Variants in STON2 observed in about 807,000 individuals in gnomAD.
STON2 encodes the protein stonin-2.
In STON2, 29 loss-of-function variants were observed where a neutral mutation model predicts 65.7. The ratio of observed to expected loss-of-function variants is 0.44; its 90% confidence interval spans 0.33 to 0.60. The LOEUF (loss-of-function observed/expected upper bound fraction) is 0.60, where lower values mean the gene tolerates loss of function less well. STON2 is among the 20% of genes least tolerant of loss of function. STON2 has a pLI of 0.03. For missense variants in STON2, 1,054 were observed against 1,118.1 expected, an observed-to-expected ratio of 0.94 and a Z score of 0.82; for synonymous variants, 404 against 414.2, an observed-to-expected ratio of 0.98 and a Z score of 0.30.
At position 81,430,266 on chromosome 14, in the gene STON2, T is replaced by A. The variant is rs976923657; in HGVS notation, c.-309-3054A>T. Among the ~76,000 whole-genome samples, 37 of 152,352 alleles carry A rather than the reference T, an allele frequency of 2.4e-4. No individual in the cohort carries two copies. In the Middle Eastern group the frequency reaches 0.01, roughly 42 times the overall value. On this transcript the variant is annotated intron_variant, in intron 1 of 8. Transcript: ENST00000553821. ...TGGTCTCGCTGTGGTTTAACTATCA[T>A]TGATTTTATATAAATATTATGTCTT... is the stretch of plus-strand genomic sequence containing the variant.
chr14:81,425,559 G>C (rs77970561), intron 2 of STON2, among the ~76,000 whole-genome samples: 2,074 of 151,844 alleles, frequency 0.014, 54 homozygotes, highest in African/African-American at 0.047. Flanking sequence ...ACGACAGAGT[G>C]AACTCTGCCA....
At position 81,262,927 on chromosome 14, in the gene STON2, A is replaced by G; in HGVS notation, c.*5487T>C. The G allele has an allele frequency of 1.0e-6, 1 of 985,466 alleles. No homozygotes were observed. The highest frequency in any genetic ancestry group is 1.2e-6 in the Non-Finnish European group (1 of 829,930). The allele number at this position is 985,466 out of a possible 1,614,324, so 61.0% of individuals were successfully genotyped here. On this transcript the variant is annotated 3_prime_UTR_variant, in exon 8 of 8. Coordinates refer to ENST00000614646, the MANE Select transcript of STON2 (RefSeq NM_001394390.1). ...ATGATATCTAAAGCCAGTCTCATTT[A>G]AACAAGATAAGAAATGGTTTGTGGG...
chr14:81,392,394 C>T (rs1900122543), intron 3 of STON2, among the ~76,000 whole-genome samples: 2 of 152,228 alleles, frequency 1.3e-5, no homozygotes, highest in South Asian at 4.2e-4. Flanking sequence ...CCTGTTTCCC[C>T]TCTTTTTTCC....
At chr14:81,294,277 C>T (rs1189613393) in intron 5 of STON2, among the ~76,000 whole-genome samples, 3 of 152,200 alleles carry the variant, frequency 2.0e-5, no homozygotes, top group African/African-American at 7.2e-5. Flanking sequence ...ATATAAGACA[C>T]ATACTTCTGT....
chr14:81,408,862 G>A (rs1901006641), intron 2 of STON2, among the ~76,000 whole-genome samples: 1 of 152,136 alleles, frequency 6.6e-6, no homozygotes, highest in South Asian at 2.1e-4. Context: ...GAATGGCTCT[G>A]GTAGGAGGTC....
At chr14:81,338,108 A>C (rs1897446908) in intron 4 of STON2, among the ~76,000 whole-genome samples, 2 of 152,160 alleles carry the variant, frequency 1.3e-5, no homozygotes, top group African/African-American at 4.8e-5. Context: ...CAGACATCTT[A>C]AGTCCCTTGG....
chr14:81,356,205 T>G (rs974370640), intron 4 of STON2, among the ~76,000 whole-genome samples: 1 of 152,014 alleles, frequency 6.6e-6, no homozygotes, highest in South Asian at 2.1e-4. Flanking sequence ...TTATTGAGAG[T>G]TTTTAGCATG....
At chr14:81,425,957 G>A (rs913054341) in intron 2 of STON2, among the ~76,000 whole-genome samples, 2 of 152,152 alleles carry the variant, frequency 1.3e-5, no homozygotes, top group African/African-American at 4.8e-5. Flanking sequence ...TCAGCTTAGG[G>A]AAAATTCAAA....
chr14:81,387,672 C>T (rs1188738420), intron 3 of STON2, among the ~76,000 whole-genome samples: 1 of 151,688 alleles, frequency 6.6e-6, no homozygotes, highest in Non-Finnish European at 1.5e-5. Context: ...GTGGATCACC[C>T]ACCAGAGGTC....
intron 2 of STON2, among the ~76,000 whole-genome samples, chr14:81,409,655 G>A (rs1205956119): frequency 6.6e-6 from 1 of 152,130 alleles, no homozygotes; most frequent in African/African-American, 2.4e-5. Context: ...GAGGTTCTGT[G>A]ACTAGATCAA....
At chr14:81,435,068 G>A (rs2139939713) in intron 1 of STON2, among the ~76,000 whole-genome samples, 1 of 152,170 alleles carries the variant, frequency 6.6e-6, no homozygotes, top group African/African-American at 2.4e-5. Context: ...GCTACTGAAA[G>A]GTGAACACTT....
intron 4 of STON2, among the ~76,000 whole-genome samples, chr14:81,340,517 T>C (rs1897566372): frequency 6.6e-6 from 1 of 152,178 alleles, no homozygotes; most frequent in Non-Finnish European, 1.5e-5. Flanking sequence ...CGGATTTCCA[T>C]AGCTTTTGGC....
chr14:81,422,828 T>C (rs935104945), intron 2 of STON2, among the ~76,000 whole-genome samples: 1 of 151,800 alleles, frequency 6.6e-6, no homozygotes, highest in African/African-American at 2.4e-5. Context: ...GGTCAGGAGT[T>C]CAAGACTAGC....
chr14:81,356,491 A>G (rs1016021165), intron 4 of STON2, among the ~76,000 whole-genome samples: 2 of 151,928 alleles, frequency 1.3e-5, no homozygotes, highest in African/African-American at 2.4e-5. Flanking sequence ...TGTCTCTGCC[A>G]GGCTTTGGTA....
At chr14:81,328,926 G>A (rs529902699) in intron 4 of STON2, among the ~76,000 whole-genome samples, 8 of 152,184 alleles carry the variant, frequency 5.3e-5, no homozygotes, top group Non-Finnish European at 8.8e-5. Context: ...AGATGCCAGC[G>A]CCATGCTTCT....
chr14:81,366,930 A>G (rs4119204), intron 4 of STON2, among the ~76,000 whole-genome samples: 76,292 of 151,866 alleles, frequency 0.5, 19,681 homozygotes, highest in East Asian at 0.74. Context: ...CATTTTACAG[A>G]TAAGAAAGTA....
At chr14:81,293,713 A>T (rs1017780068) in intron 5 of STON2, among the ~76,000 whole-genome samples, 1 of 152,178 alleles carries the variant, frequency 6.6e-6, no homozygotes, top group Admixed American at 6.5e-5. Context: ...CTCCAAGACC[A>T]TAATGTGAGT....
chr14:81,433,001 T>A (rs894245943), intron 1 of STON2, among the ~76,000 whole-genome samples: 3 of 152,226 alleles, frequency 2.0e-5, no homozygotes, highest in African/African-American at 7.2e-5. Flanking sequence ...TCAGAAATAC[T>A]CATTTCCAGG....
chr14:81,332,855 T>G (rs1471846740), intron 4 of STON2: 4 of 178,238 alleles, frequency 2.2e-5, no homozygotes, highest in Non-Finnish European at 2.4e-5. Context: ...AGTTTTTAGT[T>G]TATTGATCTT....
Sources: gnomAD v4.1 joint callset for allele counts (sites outside exome capture counted in the v4.1 genomes callset) on GRCh38, gnomAD v4.1.1 for gene constraint, MANE v1.5 for transcripts, NCBI Gene and HGNC (gene_info 2026-07-23, HGNC 2026-07-21) for gene names.